The following PARP15 variants were observed in gnomAD, a reference collection of about 807,000 sequenced individuals.
PARP15 encodes the protein protein mono-ADP-ribosyltransferase PARP15.
PARP15 carries 50 observed loss-of-function variants against 62.1 expected under a neutral mutation model. The ratio of observed to expected loss-of-function variants is 0.81; its 90% CI spans 0.64 to 1.02. The LOEUF (loss-of-function observed/expected upper bound fraction) is 1.02, where lower values mean the gene tolerates loss of function less well. PARP15 is among the 50% of genes least tolerant of loss of function. PARP15 has a pLI of 0.00. For synonymous variants in PARP15, 309 were observed against 293.1 expected, an observed-to-expected ratio of 1.05 and a Z score of -0.55; for missense variants, 820 against 826.5, an observed-to-expected ratio of 0.99 and a Z score of 0.10.
rs1560009862 is a variant in PARP15 at position 122,636,229 on chromosome 3, C to G, written c.*129C>G. 1.1e-6 allele frequency: 1 copy of G among 915,896 alleles called. No individual in the cohort carries two copies. The allele number at this position is 915,896 out of a possible 1,614,324, so 56.7% of individuals were successfully genotyped here. ...TAGGTGCCAAAATGCTGAAAATTAC[C>G]TTTTTAAAGTGCTCTATTGCTGCGA... On this transcript the variant is annotated 3_prime_UTR_variant, in exon 12 of 12. Transcript: ENST00000464300.
In PARP15 at chr3:122,637,333, A is replaced by G. The variant is rs1210100695; in HGVS notation, c.*1233A>G. On this transcript the variant is annotated 3_prime_UTR_variant, in exon 12 of 12. Coordinates refer to ENST00000464300, the MANE Select transcript of PARP15 (RefSeq NM_001113523.3). ...CAGGGAACCTATTCCGCCGTGGGAC[A>G]GTGTTAATTAGTGGAAAACTCTTTT... The G allele has an allele frequency of 2.0e-5, 3 of 152,080 alleles. No homozygotes were observed. Among genetic ancestry groups the G allele is most frequent in the Non-Finnish European group, 4.4e-5 (3 of 68,038 alleles). The allele number at this position is 152,080 out of a possible 1,614,324, so 9.4% of individuals were successfully genotyped here.
chr3:122,610,446 C>T (rs944735728), intron 2 of PARP15, 48 bp from the exon 3 acceptor site: 11 of 1,448,792 alleles, frequency 7.6e-6, no homozygotes, highest in Non-Finnish European at 9.4e-6. Context: ...GTTGCTCCAT[C>T]ATTATGTATT....
rs1010335015 is a variant in PARP15, at chr3:122,615,771, AT to A, written c.772-5del. ...ATTGTTGTAGTCAGTAACTGTTTCT[AT>A]TTCCAGGCATTTTTAGATGAATTCA... is the stretch of plus-strand genomic sequence containing the variant. On this transcript the variant is annotated splice_region_variant and splice_polypyrimidine_tract_variant and intron_variant, in intron 4 of 11. Transcript: ENST00000464300. 1.2e-6 allele frequency: 2 copies of A among 1,611,048 alleles called. No homozygotes were observed. The highest frequency in any genetic ancestry group is 2.7e-5 in the African/African-American group (2 of 74,840).
Position 122,619,795 on chromosome 3 carries a change from A to G in PARP15, c.1015A>G (p.Ile339Val), listed in dbSNP as rs777436717. ...GTCTTATTTAGGTGTGTCAAGAGCT[A>G]TTTTAGAAGGTGCTGGACAAGCTGT... ...FNRKSGVSRA[I>V]LEGAGQAVES... The change falls in exon 7 of 12, where the codon ATT (isoleucine) becomes GTT (valine). Residue 339 changes from isoleucine (I) to valine (V), a missense_variant. This residue lies in a region of PARP15 where 731 missense variants were observed against 727.7 expected (regional missense o/e 1.00). Coordinates refer to ENST00000464300, the MANE Select transcript of PARP15 (RefSeq NM_001113523.3). 5.0e-6 allele frequency: 8 copies of G among 1,613,126 alleles called. No individual in the cohort carries two copies. The highest frequency in any genetic ancestry group is 2.2e-5 in the South Asian group (2 of 91,054).
At chr3:122,577,959 A>ACC in intron 1 of PARP15, 106 bp downstream of exon 1, 1 of 1,250,018 alleles carries the variant, frequency 8.0e-7, no homozygotes, top group Non-Finnish European at 1.1e-6. Context: ...GCCACGCACA[A>ACC]CCCTCTCTTC....
At chr3:122,613,775 C>T (rs1217746503) in intron 4 of PARP15, among the ~76,000 whole-genome samples, 1 of 150,174 alleles carries the variant, frequency 6.7e-6, no homozygotes, top group Admixed American at 6.6e-5. Flanking sequence ...CTCAGTTTTG[C>T]CATTTAAAAG....
intron 9 of PARP15, among the ~76,000 whole-genome samples, chr3:122,630,253 C>G (rs555820113): frequency 6.6e-6 from 1 of 152,168 alleles, no homozygotes; most frequent in Non-Finnish European, 1.5e-5. Context: ...TTTCTCTCCT[C>G]TAAATTGTCT....
At chr3:122,623,092 C>A (rs544979921) in intron 8 of PARP15, among the ~76,000 whole-genome samples, 1 of 152,328 alleles carries the variant, frequency 6.6e-6, no homozygotes, top group African/African-American at 2.4e-5. Flanking sequence ...TTTGTTATAA[C>A]CTTTTGCTAT....
rs1936774629 is a variant in PARP15, at chr3:122,626,974, T to C, written c.1379T>C (p.Met460Thr). Residue 460 changes from methionine to threonine, a missense_variant, in exon 9 of 12, where the codon ATG becomes ACG. Met to Thr is a moderately conservative substitution (Grantham distance 81). This residue lies in a region of PARP15 where 731 missense variants were observed against 727.7 expected (regional missense o/e 1.00). Coordinates refer to ENST00000464300, the MANE Select transcript of PARP15 (RefSeq NM_001113523.3). ...PELLNIFYDS[M>T]KKRDLSASLN... Reference sequence around the variant, plus strand: ...CTGCTAAATATATTCTACGACAGCATGAAAAAAAGAGACCTCTCTGCATCA... The same window carrying C: ...CTGCTAAATATATTCTACGACAGCACGAAAAAAAGAGACCTCTCTGCATCA... 1 of 1,613,506 alleles carries C rather than the reference T, an allele frequency of 6.2e-7. No homozygotes were observed. Among genetic ancestry groups the C allele is most frequent in the South Asian group, 1.1e-5 (1 of 90,936 alleles).
At position 122,638,703 on chromosome 3, in the gene PARP15, C is replaced by T. The variant is rs1418486826; in HGVS notation, c.*2603C>T. 3 of 152,098 alleles carry T rather than the reference C, an allele frequency of 2.0e-5. No individual in the cohort carries two copies. In the South Asian group the frequency reaches 6.2e-4, roughly 32 times the overall value. 9.4% of individuals were successfully genotyped at this position (152,098 alleles called of 1,614,324 possible). On this transcript the variant is annotated 3_prime_UTR_variant, in exon 12 of 12. Coordinates refer to ENST00000464300, the MANE Select transcript of PARP15 (RefSeq NM_001113523.3). Reference sequence around the variant, plus strand: ...TCATTGTAGATTCTGGATATTAGCCCTTTGTCAGATGAGTAGATTGCAAAA... The same window carrying T: ...TCATTGTAGATTCTGGATATTAGCCTTTTGTCAGATGAGTAGATTGCAAAA...
intron 4 of PARP15, among the ~76,000 whole-genome samples, chr3:122,613,566 C>T (rs1290763210): frequency 6.6e-6 from 1 of 152,118 alleles, no homozygotes; most frequent in Non-Finnish European, 1.5e-5. Context: ...TAAGTCATGG[C>T]TTTATCTATG....
chr3:122,628,829 A>T (rs1040112821), intron 9 of PARP15, among the ~76,000 whole-genome samples: 2 of 152,246 alleles, frequency 1.3e-5, no homozygotes, highest in African/African-American at 2.4e-5. Flanking sequence ...TACAGATGAA[A>T]TATCAGATAA....
At chr3:122,594,729 G>A (rs1490895873) in intron 1 of PARP15, 1 of 968,942 alleles carries the variant, frequency 1.0e-6, no homozygotes, top group African/African-American at 1.8e-5. Flanking sequence ...ATACCAATAA[G>A]TTGATTTTTA....
At chr3:122,592,141 A>T (rs1047748525) in intron 1 of PARP15, among the ~76,000 whole-genome samples, 1 of 152,260 alleles carries the variant, frequency 6.6e-6, no homozygotes, top group Non-Finnish European at 1.5e-5. Flanking sequence ...ACATGCATAC[A>T]TATGTTCATT....
intron 2 of PARP15, among the ~76,000 whole-genome samples, chr3:122,606,323 G>T (rs1356366411): frequency 6.6e-6 from 1 of 152,130 alleles, no homozygotes; most frequent in Non-Finnish European, 1.5e-5. Context: ...CTCTGTAACT[G>T]ATCTTGACTT....
chr3:122,622,854 A>G (rs1027341112), intron 8 of PARP15, among the ~76,000 whole-genome samples: 1 of 152,186 alleles, frequency 6.6e-6, no homozygotes, highest in African/African-American at 2.4e-5. Flanking sequence ...GGAAGTATTA[A>G]TAGTATGTAG....
At chr3:122,603,561 G>A (rs1413648890) in intron 1 of PARP15, among the ~76,000 whole-genome samples, 1 of 152,218 alleles carries the variant, frequency 6.6e-6, no homozygotes, top group African/African-American at 2.4e-5. Context: ...TCTGGAGGAT[G>A]TGAAGAGTTG....
Position 122,632,217 on chromosome 3 carries a change from A to T in PARP15, c.1570A>T (p.Lys524Ter). 6.2e-7 allele frequency: 1 copy of T among 1,612,458 alleles called. No individual in the cohort carries two copies. The highest frequency in any genetic ancestry group is 1.3e-5 in the African/African-American group (1 of 75,008). Reference protein sequence around the residue: ...TRTCSSYAIEKIERIQNAFLW... With the variant: ...TRTCSSYAIE ...AACTTGTTCTTCCTACGCAATAGAG[A>T]AGGTAATACTGTGTTAAAATTTACT... The change falls in exon 10 of 12, where the codon AAG becomes TAG. Residue 524 changes from lysine to a stop codon, truncating the protein, a stop_gained and splice_region_variant. Coordinates refer to ENST00000464300, the MANE Select transcript of PARP15 (RefSeq NM_001113523.3). LOFTEE classifies it high-confidence loss of function.
intron 8 of PARP15, among the ~76,000 whole-genome samples, chr3:122,624,359 G>A (rs1331648818): frequency 6.6e-6 from 1 of 152,032 alleles, no homozygotes; most frequent in African/African-American, 2.4e-5. Context: ...CCTTATATAG[G>A]GTGATCAATT....
Sources: gnomAD v4.1 joint callset for allele counts (sites outside exome capture counted in the v4.1 genomes callset) on GRCh38, gnomAD v4.1.1 for gene constraint, gnomAD v4.1.1 regional missense constraint, MANE v1.5 for transcripts, NCBI Gene and HGNC (gene_info 2026-07-23, HGNC 2026-07-21) for gene names.